The following DSCAM variants were observed in gnomAD, a reference collection of about 807,000 sequenced individuals.
DSCAM encodes cell adhesion molecule DSCAM.
In DSCAM, 47 loss-of-function variants were observed where a neutral mutation model predicts 217.7. The ratio of observed to expected loss-of-function variants is 0.22; its 90% CI spans 0.17 to 0.28. The LOEUF is 0.28. Among genes scored for constraint, DSCAM ranks in the 10% least tolerant of loss-of-function variants. DSCAM has a pLI of 1.00. For missense variants in DSCAM, 2,080 were observed against 2,618.3 expected (o/e 0.79, Z 4.49); for synonymous variants, 1,056 against 1,015.3 (o/e 1.04, Z -0.76).
intron 1 of DSCAM, among the ~76,000 whole-genome samples, chr21:40,741,723 A>ATCTGCATATC: frequency 6.6e-6 from 1 of 152,224 alleles, no homozygotes; most frequent in Non-Finnish European, 1.5e-5. Context: ...CCCCATCCAG[A>ATCTGCATATC]TGAAATAAAT....
At chr21:40,473,990 G>A (rs80130186) in intron 3 of DSCAM, among the ~76,000 whole-genome samples, 74 of 152,254 alleles carry the variant, frequency 4.9e-4, no homozygotes, top group African/African-American at 1.5e-3. Flanking sequence ...GAATGCAGAC[G>A]ATCATCAAAA....
intron 20 of DSCAM, among the ~76,000 whole-genome samples, chr21:40,113,572 C>A (rs1337766525): frequency 6.6e-6 from 1 of 152,056 alleles, no homozygotes; most frequent in Non-Finnish European, 1.5e-5. Context: ...GGCATTCAGG[C>A]AGGAGAAGGA....
intron 3 of DSCAM, among the ~76,000 whole-genome samples, chr21:40,376,913 G>A (rs2074969651): frequency 6.6e-6 from 1 of 151,902 alleles, no homozygotes; most frequent in South Asian, 2.1e-4. Flanking sequence ...AAAAATTTAT[G>A]TTAATGTCCT....
At chr21:40,151,464 C>A (rs1316721118) in intron 16 of DSCAM, among the ~76,000 whole-genome samples, 2 of 152,182 alleles carry the variant, frequency 1.3e-5, no homozygotes, top group Non-Finnish European at 2.9e-5. Flanking sequence ...AAGAACCCTA[C>A]AGAATGAAAT....
chr21:40,325,425 A>C (rs897004533), intron 8 of DSCAM, among the ~76,000 whole-genome samples: 1 of 152,220 alleles, frequency 6.6e-6, no homozygotes, highest in Non-Finnish European at 1.5e-5. Flanking sequence ...ACATAGAACA[A>C]ATACAGAAAA....
intron 3 of DSCAM, among the ~76,000 whole-genome samples, chr21:40,430,871 C>G (rs1209305266): frequency 6.6e-6 from 1 of 152,210 alleles, no homozygotes; most frequent in Non-Finnish European, 1.5e-5. Flanking sequence ...ACGTGCTTCA[C>G]ACATCTTTAC....
chr21:40,792,248 C>T (rs1226667055), intron 1 of DSCAM, among the ~76,000 whole-genome samples: 2 of 150,432 alleles, frequency 1.3e-5, no homozygotes, highest in African/African-American at 4.9e-5. Context: ...AAGCAATTCT[C>T]CTGCCTCAGC....
intron 8 of DSCAM, among the ~76,000 whole-genome samples, chr21:40,334,319 C>T (rs564115520): frequency 6.4e-4 from 98 of 152,248 alleles, no homozygotes; most frequent in Middle Eastern, 3.4e-3. Flanking sequence ...GACTCCTAAT[C>T]GCCTTCCTCA....
chr21:40,491,846 A>G (rs1378289609), intron 3 of DSCAM, among the ~76,000 whole-genome samples: 1 of 152,062 alleles, frequency 6.6e-6, no homozygotes, highest in African/African-American at 2.4e-5. Flanking sequence ...TGTTTGAAGC[A>G]TTTTGCCCCC....
At chr21:40,300,188 G>A (rs2073999213) in intron 9 of DSCAM, among the ~76,000 whole-genome samples, 2 of 152,266 alleles carry the variant, frequency 1.3e-5, no homozygotes, top group East Asian at 1.9e-4. Context: ...TTCCCTTGGT[G>A]TGTAGAGCAC....
At chr21:40,017,526 C>G (rs1029711948) in intron 32 of DSCAM, among the ~76,000 whole-genome samples, 5 of 151,908 alleles carry the variant, frequency 3.3e-5, no homozygotes, top group Non-Finnish European at 7.4e-5. Context: ...CCAAGGGAAG[C>G]TCAGTAATAA....
chr21:40,445,529 A>ATCATTAG (rs1226636059), intron 3 of DSCAM, among the ~76,000 whole-genome samples: 1 of 152,214 alleles, frequency 6.6e-6, no homozygotes, highest in African/African-American at 2.4e-5. Context: ...ATCACGTGTT[A>ATCATTAG]TCATTAGTCA....
chr21:40,714,294 A>G (rs993835780), intron 1 of DSCAM, among the ~76,000 whole-genome samples: 2 of 152,132 alleles, frequency 1.3e-5, no homozygotes, highest in Non-Finnish European at 2.9e-5. Flanking sequence ...CCAGAACTGT[A>G]GAGCTACCAG....
intron 11 of DSCAM, among the ~76,000 whole-genome samples, chr21:40,209,957 C>T (rs1417350470): frequency 6.6e-6 from 1 of 152,220 alleles, no homozygotes; most frequent in Non-Finnish European, 1.5e-5. Flanking sequence ...ACAGATTAAG[C>T]TCAGTTTTCA....
In DSCAM at chr21:40,276,184, C is replaced by T. The variant is rs79723432; in HGVS notation, c.2269G>A (p.Val757Met). The T allele has an allele frequency of 7.4e-6, 12 of 1,613,316 alleles. No individual in the cohort carries two copies. The highest frequency in any genetic ancestry group is 1.7e-5 in the Admixed American group (1 of 59,840). The change falls in exon 11 of 33, where the codon GTG (valine) becomes ATG (methionine). Residue 757 changes from valine (V) to methionine (M), a missense_variant. Coordinates refer to ENST00000400454, the MANE Select transcript of DSCAM (RefSeq NM_001389.5). ...SNGSLLIKHVVEEDSGYYLCK... is the reference protein window; with the variant it reads ...SNGSLLIKHVMEEDSGYYLCK... ...AGGTAGTAGCCACTGTCTTCCTCCA[C>T]GACATGCTTGATCAGCAACGACCCA...
intron 9 of DSCAM, among the ~76,000 whole-genome samples, chr21:40,309,315 A>G (rs375112747): frequency 3.3e-5 from 5 of 152,160 alleles, no homozygotes; most frequent in East Asian, 1.9e-4. Context: ...AACAATATCC[A>G]TCTTCCTAAA....
At chr21:40,540,454 C>G (rs1321521183) in intron 3 of DSCAM, among the ~76,000 whole-genome samples, 1 of 152,200 alleles carries the variant, frequency 6.6e-6, no homozygotes, top group African/African-American at 2.4e-5. Context: ...CCCCTCCTCA[C>G]ACTGCGCTGT....
intron 3 of DSCAM, among the ~76,000 whole-genome samples, chr21:40,560,095 T>C (rs1386352319): frequency 6.6e-6 from 1 of 152,134 alleles, no homozygotes; most frequent in Non-Finnish European, 1.5e-5. Context: ...GCGTGGCCAA[T>C]TTTCTGTCTT....
intron 3 of DSCAM, among the ~76,000 whole-genome samples, chr21:40,611,806 C>G (rs1433561731): frequency 6.6e-6 from 1 of 151,682 alleles, no homozygotes; most frequent in Non-Finnish European, 1.5e-5. Flanking sequence ...TATACTAAAT[C>G]ACACAACTAA....
Sources: gnomAD v4.1 joint callset for allele counts (sites outside exome capture counted in the v4.1 genomes callset) on GRCh38, gnomAD v4.1.1 for gene constraint, MANE v1.5 for transcripts, NCBI Gene and HGNC (gene_info 2026-07-23, HGNC 2026-07-21) for gene names.